PCDHA4: variants seen among roughly 807,000 people sequenced by gnomAD.
PCDHA4 encodes protocadherin alpha-4.
PCDHA4 carries 49 observed loss-of-function variants against 61.4 expected under a neutral mutation model. That is an observed-to-expected ratio of 0.80 (90% confidence interval 0.63 to 1.01). The LOEUF (loss-of-function observed/expected upper bound fraction) is 1.01. Among genes scored for constraint, PCDHA4 ranks in the 50% least tolerant of loss-of-function variants. The pLI is 0.00. For missense variants in PCDHA4, 1,254 were observed against 1,235.8 expected (o/e 1.01, Z -0.22); for synonymous variants, 590 against 550.3 (o/e 1.07, Z -1.01).
chr5:140,842,877 C>G (rs782040771), intron 1 of PCDHA4: 5 of 1,593,864 alleles, frequency 3.1e-6, no homozygotes, highest in Non-Finnish European at 4.3e-6. Flanking sequence ...AAGGTGTACG[C>G]GCTGCAGCCG....
intron 1 of PCDHA4, chr5:140,858,543 A>AT: frequency 7.1e-7 from 1 of 1,400,318 alleles, no homozygotes; most frequent in Admixed American, 2.0e-5. Flanking sequence ...TCTACATTCC[A>AT]TTTATGCTTG....
chr5:140,850,431 C>T (rs2150484020), intron 1 of PCDHA4: 3 of 1,597,912 alleles, frequency 1.9e-6, no homozygotes, highest in Non-Finnish European at 1.7e-6. Flanking sequence ...ACCGCGCCAG[C>T]GCCTACTGGT....
rs180683275 is a variant in PCDHA4 at position 140,985,540 on chromosome 5, T to C, written c.2533+2977T>C. 7.6e-3 allele frequency among the ~76,000 whole-genome samples: 1,162 copies of C among 152,268 alleles called. 7 individuals are homozygous for C. The highest frequency in any genetic ancestry group is 0.012 in the Non-Finnish European group (785 of 68,010). On this transcript the variant is annotated intron_variant, in intron 3 of 3. Coordinates refer to ENST00000530339, the MANE Select transcript of PCDHA4 (RefSeq NM_018907.4). ...TGCCCTTAAAGCTTCACGGTGAAGATGCAGTTGCTTCCAAAAGGCTTCTTT... is the reference window on the plus strand; with the variant it reads ...TGCCCTTAAAGCTTCACGGTGAAGACGCAGTTGCTTCCAAAAGGCTTCTTT...
chr5:140,946,631 T>TAC (rs374022482), intron 1 of PCDHA4, among the ~76,000 whole-genome samples: 8 of 131,856 alleles, frequency 6.1e-5, no homozygotes, highest in African/African-American at 1.7e-4. Context: ...TATATATATA[T>TAC]ACAATGGAAT....
At chr5:140,871,376 G>A in intron 1 of PCDHA4, 2 of 1,614,196 alleles carry the variant, frequency 1.2e-6, no homozygotes, top group Non-Finnish European at 1.7e-6. Flanking sequence ...CAGAGGGTGT[G>A]CTCTGAGGAG....
chr5:140,857,575 G>A (rs781888670), intron 1 of PCDHA4: 4 of 1,596,658 alleles, frequency 2.5e-6, no homozygotes, highest in East Asian at 4.5e-5. Context: ...ACGTGTCGGT[G>A]CACGCGGAGA....
intron 1 of PCDHA4, chr5:140,814,606 T>A (rs2126657141): frequency 6.6e-6 from 1 of 152,320 alleles, no homozygotes; most frequent in Non-Finnish European, 1.5e-5. Flanking sequence ...TGTGCTATCT[T>A]GTACTTTTAT....
intron 1 of PCDHA4, among the ~76,000 whole-genome samples, chr5:140,954,013 C>T (rs942687934): frequency 6.6e-6 from 1 of 152,172 alleles, no homozygotes; most frequent in African/African-American, 2.4e-5. Context: ...TCAGCTCCCA[C>T]ACATAGTGGG....
Position 140,808,237 on chromosome 5 carries a change from G to T in PCDHA4, c.1050G>T (p.Leu350Phe). The T allele has an allele frequency of 6.2e-7, 1 of 1,614,216 alleles. No individual in the cohort carries two copies. The highest frequency in any genetic ancestry group is 1.1e-5 in the South Asian group (1 of 91,088). Residue 350 changes from leucine (L) to phenylalanine (F), a missense_variant, in exon 1 of 4, where the codon TTG becomes TTT. Coordinates refer to ENST00000530339, the MANE Select transcript of PCDHA4 (RefSeq NM_018907.4). Reference protein sequence around the residue: ...VEDNNDNVPDLEFKSLSLPIR... With the variant: ...VEDNNDNVPDFEFKSLSLPIR... ...ACAACAACGATAATGTCCCAGATTTGGAATTCAAGTCTTTATCACTTCCAA... is the reference window on the plus strand; with the variant it reads ...ACAACAACGATAATGTCCCAGATTTTGAATTCAAGTCTTTATCACTTCCAA...
At chr5:140,851,062 AGTGAGAATTATAAACT>A in intron 1 of PCDHA4, 1 of 1,372,160 alleles carries the variant, frequency 7.3e-7, no homozygotes, top group Non-Finnish European at 9.6e-7. Context: ...CTTGACTTCT[AGTGAGAATTATAAACT>A]GTATATTAAA....
chr5:140,808,623 C>T lies in PCDHA4; in HGVS notation c.1436C>T (p.Ala479Val), dbSNP rs1181544885. The change falls in exon 1 of 4, where the codon GCG becomes GTG. Residue 479 changes from alanine to valine, a missense_variant. By Grantham distance (64) the Ala-to-Val change is moderately conservative. Coordinates refer to ENST00000530339, the MANE Select transcript of PCDHA4 (RefSeq NM_018907.4). ...GGCTGCCACATCTTCACTGTGTCTG[C>T]GTGGGACGCGGACGCGCAGGAGAAC... is the stretch of plus-strand genomic sequence containing the variant. The part of the protein sequence containing the change: ...PPGCHIFTVS[A>V]WDADAQENAL... The T allele has an allele frequency of 6.2e-7, 1 of 1,613,574 alleles. No individual in the cohort carries two copies. The highest frequency in any genetic ancestry group is 8.5e-7 in the Non-Finnish European group (1 of 1,179,912).
In PCDHA4 at chr5:140,982,553, T is replaced by A. The variant is rs782605920; in HGVS notation, c.2523T>A (p.Ser841Arg). The A allele has an allele frequency of 1.9e-5, 30 of 1,614,054 alleles. No homozygotes were observed. In the South Asian group the frequency reaches 3.2e-4, roughly 17 times the overall value. ...GPDQQWPTVS[S>R]ATPEPEAGEV... ...ATCAGCAGTGGCCAACAGTATCCAG[T>A]GCAACACCAGGTAAAGAGCTGGGGT... The change falls in exon 3 of 4, where the codon AGT (serine) becomes AGA (arginine). Residue 841 changes from serine (S) to arginine (R), a missense_variant. Transcript: ENST00000530339.
chr5:140,964,579 G>A (rs2095841483), intron 1 of PCDHA4, among the ~76,000 whole-genome samples: 1 of 152,090 alleles, frequency 6.6e-6, no homozygotes, highest in Non-Finnish European at 1.5e-5. Flanking sequence ...ATAAGGGGAG[G>A]AAAGATCACT....
chr5:140,840,467 A>G (rs1269068872), intron 1 of PCDHA4, among the ~76,000 whole-genome samples: 8 of 152,088 alleles, frequency 5.3e-5, no homozygotes, highest in East Asian at 1.9e-4. Flanking sequence ...AAAGTTGGGG[A>G]AAAAAGTTTA....
intron 1 of PCDHA4, among the ~76,000 whole-genome samples, chr5:140,845,922 T>A (rs782092112): frequency 6.7e-6 from 1 of 149,778 alleles, no homozygotes; most frequent in Non-Finnish European, 1.5e-5. Flanking sequence ...CTTATTTTTG[T>A]GTAAAACTAT....
At chr5:140,993,523 C>CAG (rs111789518) in intron 3 of PCDHA4, among the ~76,000 whole-genome samples, 24 of 145,748 alleles carry the variant, frequency 1.6e-4, no homozygotes, top group African/African-American at 5.0e-4. Flanking sequence ...GAGAGAGAGA[C>CAG]AGAGAGAGAG....
In PCDHA4 at chr5:140,847,161, T is replaced by C. The variant is rs962983160; in HGVS notation, c.2385+37589T>C. The stretch of plus-strand genomic sequence containing the variant: ...GTAAGAAGATCTCTTGATTTCTGAG[T>C]AATAAACTAAAGGGCCATGAGTGAT... On this transcript the variant is annotated intron_variant, in intron 1 of 3. Transcript: ENST00000530339. Among the ~76,000 whole-genome samples, 8 of 149,570 alleles carry C rather than the reference T, an allele frequency of 5.3e-5. 1 individual carries two copies. The highest frequency in any genetic ancestry group is 7.5e-5 in the Non-Finnish European group (5 of 66,894).
chr5:140,829,952 C>G, intron 1 of PCDHA4: 1 of 1,614,008 alleles, frequency 6.2e-7, no homozygotes, highest in South Asian at 1.1e-5. Context: ...CGCTCGCTTC[C>G]CGTTTCGCGT....
chr5:140,836,101 C>T, intron 1 of PCDHA4: 17 of 1,613,712 alleles, frequency 1.1e-5, no homozygotes, highest in Non-Finnish European at 1.4e-5. Context: ...GTGGGTGGCA[C>T]TGGTGGCGCA....
Sources: gnomAD v4.1 joint callset for allele counts (sites outside exome capture counted in the v4.1 genomes callset) on GRCh38, gnomAD v4.1.1 for gene constraint, MANE v1.5 for transcripts, NCBI Gene and HGNC (gene_info 2026-07-23, HGNC 2026-07-21) for gene names.